PDZD2: variants seen among roughly 807,000 people sequenced by gnomAD.
PDZD2 encodes the protein PDZ domain-containing protein 2.
PDZD2 carries 90 observed loss-of-function variants against 220.7 expected under a neutral mutation model. The ratio of observed to expected loss-of-function variants is 0.41; its 90% CI spans 0.34 to 0.49. The LOEUF is 0.49. Ranked by LOEUF, PDZD2 falls within the 20% of genes least tolerant of loss-of-function variation. The pLI is 0.28. For synonymous variants in PDZD2, 1,375 were observed against 1,450.5 expected, an observed-to-expected ratio of 0.95 and a Z score of 1.18; for missense variants, 3,174 against 3,608.5, an observed-to-expected ratio of 0.88 and a Z score of 3.08.
chr5:31,869,783 G>A (rs1402297314), intron 2 of PDZD2, among the ~76,000 whole-genome samples: 1 of 152,124 alleles, frequency 6.6e-6, no homozygotes, highest in African/African-American at 2.4e-5. Flanking sequence ...TATTGGCAGT[G>A]CCTTCTAGCA....
intron 1 of PDZD2, among the ~76,000 whole-genome samples, chr5:31,752,661 T>G (rs1473751579): frequency 6.6e-6 from 1 of 152,196 alleles, no homozygotes; most frequent in African/African-American, 2.4e-5. Context: ...CTGATGCTGA[T>G]ACCTCAGCCT....
chr5:31,713,887 A>ATCTC (rs549858960), intron 1 of PDZD2, among the ~76,000 whole-genome samples: 1 of 152,192 alleles, frequency 6.6e-6, no homozygotes, highest in Non-Finnish European at 1.5e-5. Context: ...GCATCTTGAG[A>ATCTC]TGCTCACCAG....
chr5:31,643,497 G>A (rs1054894964), intron 1 of PDZD2, among the ~76,000 whole-genome samples: 5 of 152,222 alleles, frequency 3.3e-5, no homozygotes, highest in Admixed American at 6.5e-5. Flanking sequence ...ACTCACACTC[G>A]GTAACACCTG....
At chr5:32,051,105 G>C (rs927983623) in intron 8 of PDZD2, among the ~76,000 whole-genome samples, 4 of 152,178 alleles carry the variant, frequency 2.6e-5, no homozygotes, top group African/African-American at 9.7e-5. Context: ...AAGCCTACAG[G>C]CCTTTGGTTC....
At position 32,088,065 on chromosome 5, in the gene PDZD2, C is replaced by T; in HGVS notation, c.4617C>T (p.Gly1539=). The part of the protein sequence containing the change: ...SFHEDSTSLS[G]LGDSTEPSLS... ...ATGAAGACAGCACCTCCCTATCAGG[C>T]CTGGGTGACAGCACGGAGCCGTCTC... The change falls in exon 20 of 25, where the codon GGC becomes GGT. Residue 1539 remains glycine, a synonymous_variant. Coordinates refer to ENST00000438447, the MANE Select transcript of PDZD2 (RefSeq NM_178140.4). The surrounding 1 kb of genome is among the most constrained non-coding windows in gnomAD (Gnocchi z 4.6). 2.5e-6 allele frequency: 4 copies of T among 1,614,078 alleles called. No homozygotes were observed. Among genetic ancestry groups the T allele is most frequent in the Non-Finnish European group, 3.4e-6 (4 of 1,179,916 alleles).
chr5:32,058,046 G>A lies in PDZD2; in HGVS notation c.2143G>A (p.Gly715Ser), dbSNP rs1486404969. Residue 715 changes from glycine to serine, a missense_variant, in exon 12 of 25, where the codon GGT becomes AGT. By Grantham distance (56) the Gly-to-Ser change is moderately conservative. Around this residue, in one of 4 missense-constraint regions of PDZD2, gnomAD observed 1,861 missense variants for 2,001.0 expected, o/e 0.93. Transcript: ENST00000438447. Reference protein sequence around the residue: ...GSDEGSSSSLGRKTPGPKDRI... With the variant: ...GSDEGSSSSLSRKTPGPKDRI... Reference sequence around the variant, plus strand: ...CGATGAAGGCAGTTCTTCATCCCTGGGTCGGAAGACCCCTGGGCCCAAGGA... The same window carrying A: ...CGATGAAGGCAGTTCTTCATCCCTGAGTCGGAAGACCCCTGGGCCCAAGGA... 1 of 1,612,944 alleles carries A rather than the reference G, an allele frequency of 6.2e-7. No individual in the cohort carries two copies. The highest frequency in any genetic ancestry group is 8.5e-7 in the Non-Finnish European group (1 of 1,179,064).
chr5:31,784,873 C>A (rs1242907863), intron 1 of PDZD2, among the ~76,000 whole-genome samples: 3 of 151,832 alleles, frequency 2.0e-5, no homozygotes, highest in Non-Finnish European at 2.9e-5. Flanking sequence ...CACCACTGCA[C>A]TCCAGCTTGG....
chr5:31,805,974 G>A (rs1754690820), intron 2 of PDZD2, among the ~76,000 whole-genome samples: 2 of 152,098 alleles, frequency 1.3e-5, no homozygotes, highest in African/African-American at 4.8e-5. Flanking sequence ...TCCAAACTAG[G>A]GGAGCTTGGC....
At chr5:31,942,661 G>A (rs986002249) in intron 2 of PDZD2, among the ~76,000 whole-genome samples, 5 of 152,306 alleles carry the variant, frequency 3.3e-5, no homozygotes, top group South Asian at 2.1e-4. Context: ...GTAAGACTGC[G>A]TCTCAGTTTG....
intron 2 of PDZD2, among the ~76,000 whole-genome samples, chr5:31,918,942 G>A (rs1197169264): frequency 3.3e-5 from 5 of 152,214 alleles, no homozygotes; most frequent in African/African-American, 1.2e-4. Context: ...TTTGGGAACC[G>A]CTGAGTGCTG....
At chr5:32,060,873 A>G in intron 13 of PDZD2, 129 bp from the exon 14 acceptor site, 1 of 659,980 alleles carries the variant, frequency 1.5e-6, no homozygotes, top group Non-Finnish European at 2.2e-6. Flanking sequence ...TGCCAACGGG[A>G]AAAGATATGA....
intron 2 of PDZD2, among the ~76,000 whole-genome samples, chr5:31,970,030 C>G (rs1749155873): frequency 6.6e-6 from 1 of 151,964 alleles, no homozygotes; most frequent in South Asian, 2.1e-4. Context: ...TCCCGAGTAG[C>G]TGGGATTATA....
chr5:31,859,436 A>G (rs1737480269), intron 2 of PDZD2, among the ~76,000 whole-genome samples: 1 of 152,200 alleles, frequency 6.6e-6, no homozygotes, highest in African/African-American at 2.4e-5. Flanking sequence ...TTTGTCTTCC[A>G]ACCCATATGT....
intron 2 of PDZD2, among the ~76,000 whole-genome samples, chr5:31,940,936 C>A (rs1746158796): frequency 1.3e-5 from 2 of 151,554 alleles, no homozygotes; most frequent in Non-Finnish European, 3.0e-5. Flanking sequence ...TACAAACTCT[C>A]CTTCCCATCC....
intron 1 of PDZD2, among the ~76,000 whole-genome samples, chr5:31,664,473 C>T (rs1434598163): frequency 1.3e-5 from 2 of 151,490 alleles, no homozygotes; most frequent in Admixed American, 1.3e-4. Context: ...CACACACACA[C>T]ACACAGGCGC....
rs771836157 is a variant in PDZD2 at position 32,087,651 on chromosome 5, C to T, written c.4203C>T (p.Asp1401=). Residue 1401 remains aspartate, a synonymous_variant, in exon 20 of 25, where the codon GAC becomes GAT. Coordinates refer to ENST00000438447, the MANE Select transcript of PDZD2 (RefSeq NM_178140.4). This position sits in a 1 kb window ranked among gnomAD's most constrained non-coding sequence, Gnocchi z 4.0. ...GCCTCTCCATGCTGCCATCCACTGA[C>T]AACACCAAAGAAGCATGTGGCCATG... ...QASLSMLPST[D]NTKEACGHVS... 1 of 1,614,226 alleles carries T rather than the reference C, an allele frequency of 6.2e-7. No homozygotes were observed. The highest frequency in any genetic ancestry group is 8.5e-7 in the Non-Finnish European group (1 of 1,180,042).
chr5:31,917,795 T>C (rs1743820635), intron 2 of PDZD2, among the ~76,000 whole-genome samples: 1 of 152,102 alleles, frequency 6.6e-6, no homozygotes, highest in South Asian at 2.1e-4. Flanking sequence ...CAGGCTGGAG[T>C]GCAATGGCGC....
At position 32,047,208 on chromosome 5, in the gene PDZD2, G is replaced by A. The variant is rs73072269; in HGVS notation, c.1520-1331G>A. Reference sequence around the variant, plus strand: ...TATGAAAAGAATCTTGATCTCGTTAGTCATCAGTGAAATGCAATTTAAAAA... The same window carrying A: ...TATGAAAAGAATCTTGATCTCGTTAATCATCAGTGAAATGCAATTTAAAAA... On this transcript the variant is annotated intron_variant, in intron 7 of 24. Transcript: ENST00000438447. 7.7e-3 allele frequency among the ~76,000 whole-genome samples: 1,175 copies of A among 151,976 alleles called. 15 individuals carry two copies. Among genetic ancestry groups the A allele is most frequent in the African/African-American group, 0.027 (1,124 of 41,484 alleles).
intron 2 of PDZD2, among the ~76,000 whole-genome samples, chr5:31,929,908 A>C (rs755929273): frequency 6.6e-6 from 1 of 151,984 alleles, no homozygotes; most frequent in African/African-American, 2.4e-5. Flanking sequence ...ATCATGGGGG[A>C]GGATCCCCCG....
Sources: allele counts gnomAD v4.1 joint callset (sites outside exome capture counted in the v4.1 genomes callset), GRCh38; gene constraint gnomAD v4.1.1; regional missense constraint gnomAD v4.1.1; non-coding constraint Gnocchi (gnomAD v3.1); transcripts MANE v1.5; gene names NCBI Gene and HGNC (gene_info 2026-07-23, HGNC 2026-07-21).